HPSE2: variants seen among roughly 807,000 people sequenced by gnomAD.
HPSE2 encodes heparanase 2 (inactive), also known as inactive heparanase-2.
A neutral mutation model predicts 60.5 loss-of-function variants in HPSE2; 38 were observed. That is an observed-to-expected ratio of 0.63 (90% CI 0.48 to 0.82). The LOEUF (loss-of-function observed/expected upper bound fraction) is 0.82, where lower values mean the gene tolerates loss of function less well. HPSE2 is among the 40% of genes least tolerant of loss of function. HPSE2 has a pLI of 0.00. For missense variants in HPSE2, 713 were observed against 740.4 expected, an observed-to-expected ratio of 0.96 and a Z score of 0.43; for synonymous variants, 295 against 293.2, an observed-to-expected ratio of 1.01 and a Z score of -0.06.
intron 6 of HPSE2, among the ~76,000 whole-genome samples, chr10:98,662,943 A>G (rs993473618): frequency 6.6e-6 from 1 of 152,218 alleles, no homozygotes. Context: ...GATTTAAAAA[A>G]CAATAAAGAA....
chr10:98,626,564 C>T (rs986511583), intron 7 of HPSE2, among the ~76,000 whole-genome samples: 1 of 152,046 alleles, frequency 6.6e-6, no homozygotes, highest in African/African-American at 2.4e-5. Flanking sequence ...ACCATTTAGA[C>T]ACCCAAGAAA....
chr10:99,181,672 T>C (rs1250759525), intron 2 of HPSE2, among the ~76,000 whole-genome samples: 1 of 150,724 alleles, frequency 6.6e-6, no homozygotes, highest in East Asian at 1.9e-4. Context: ...TAAGTGGGAG[T>C]TGAACAATGA....
At chr10:98,774,206 G>C (rs1265297058) in intron 3 of HPSE2, among the ~76,000 whole-genome samples, 12 of 152,052 alleles carry the variant, frequency 7.9e-5, no homozygotes, top group Admixed American at 2.0e-4. Context: ...CAGAGAGACA[G>C]TAAGGACTAG....
chr10:99,185,699 G>T (rs574577772), intron 2 of HPSE2, among the ~76,000 whole-genome samples: 2 of 151,672 alleles, frequency 1.3e-5, no homozygotes, highest in Admixed American at 6.6e-5. Context: ...GCGTGAACCC[G>T]GGAGGCGGAG....
intron 3 of HPSE2, among the ~76,000 whole-genome samples, chr10:98,836,435 C>A (rs1355019940): frequency 6.6e-6 from 1 of 152,214 alleles, no homozygotes; most frequent in East Asian, 1.9e-4. Flanking sequence ...TATCCATTTA[C>A]ATATCTGCCT....
At chr10:98,616,064 C>T (rs1945899332) in intron 8 of HPSE2, among the ~76,000 whole-genome samples, 1 of 151,964 alleles carries the variant, frequency 6.6e-6, no homozygotes, top group South Asian at 2.1e-4. Context: ...TTAACTTCTG[C>T]TTAGAATTCC....
intron 11 of HPSE2, 89 bp from the exon 12 acceptor site, chr10:98,459,828 T>G: frequency 8.3e-7 from 1 of 1,203,378 alleles, no homozygotes; most frequent in Non-Finnish European, 1.2e-6. Context: ...CCTGGCAGTG[T>G]CTGATACACA....
chr10:98,727,679 CA>C lies in HPSE2; in HGVS notation c.785-5852del, dbSNP rs138235341. 8.9e-5 allele frequency among the ~76,000 whole-genome samples: 13 copies of C among 145,564 alleles called. No individual in the cohort carries two copies. The East Asian group carries it at 1.8e-3, about 20-fold the overall frequency. On this transcript the variant is annotated intron_variant, in intron 4 of 11. Coordinates refer to ENST00000370552, the MANE Select transcript of HPSE2 (RefSeq NM_021828.5). ...TCAAAAAAACAAAAAACAACAACAA[CA>C]AAAAAAAACAAACTAAAAATAATAA... is the stretch of plus-strand genomic sequence containing the variant.
rs565047339 is a variant in HPSE2, at chr10:98,921,510, G to A, written c.611-177454C>T. Among the ~76,000 whole-genome samples, 14 of 152,308 alleles carry A rather than the reference G, an allele frequency of 9.2e-5. No individual in the cohort carries two copies. The South Asian group carries it at 1.9e-3, about 20-fold the overall frequency. Reference sequence around the variant, plus strand: ...AAAAGAGGGATTACCAGAAGATTACGATGGTCAGGGGAAAGCTGAAATAAC... The same window carrying A: ...AAAAGAGGGATTACCAGAAGATTACAATGGTCAGGGGAAAGCTGAAATAAC... On this transcript the variant is annotated intron_variant, in intron 3 of 11. Transcript: ENST00000370552.
the HPSE2 span, among the ~76,000 whole-genome samples, chr10:99,263,797 T>C: frequency 1.3e-5 from 2 of 152,122 alleles, no homozygotes; most frequent in African/African-American, 2.4e-5. Context: ...CATAACCTCT[T>C]GCATGTAGGT....
At chr10:98,976,765 C>A (rs1956095849) in intron 3 of HPSE2, among the ~76,000 whole-genome samples, 1 of 151,564 alleles carries the variant, frequency 6.6e-6, no homozygotes. Context: ...TCAAAATATC[C>A]ATATCAAATC....
the HPSE2 span, among the ~76,000 whole-genome samples, chr10:99,283,602 T>C: frequency 6.6e-6 from 1 of 151,980 alleles, no homozygotes; most frequent in Admixed American, 6.6e-5. Flanking sequence ...AACAAACCTT[T>C]AGGCAAATTA....
chr10:99,107,535 T>C (rs1844296422), intron 3 of HPSE2, among the ~76,000 whole-genome samples: 1 of 152,218 alleles, frequency 6.6e-6, no homozygotes. Context: ...CATGTGCCTA[T>C]TAAGATTGTA....
chr10:99,050,677 C>G (rs372780629), intron 3 of HPSE2, among the ~76,000 whole-genome samples: 1 of 151,924 alleles, frequency 6.6e-6, no homozygotes, highest in South Asian at 2.1e-4. Context: ...AAAAAATTAG[C>G]CATTTAAAAG....
chr10:98,760,843 T>G (rs1949988671), intron 3 of HPSE2, among the ~76,000 whole-genome samples: 1 of 152,144 alleles, frequency 6.6e-6, no homozygotes, highest in Non-Finnish European at 1.5e-5. Context: ...ATAAAATGGC[T>G]TTGAAAGTGT....
At chr10:98,695,470 A>C (rs1948187680) in intron 5 of HPSE2, among the ~76,000 whole-genome samples, 1 of 152,204 alleles carries the variant, frequency 6.6e-6, no homozygotes, top group Non-Finnish European at 1.5e-5. Flanking sequence ...GCTGGAGGGA[A>C]TGTAACATTT....
chr10:98,762,321 G>A (rs1393254860), intron 3 of HPSE2, among the ~76,000 whole-genome samples: 1 of 151,108 alleles, frequency 6.6e-6, no homozygotes, highest in Non-Finnish European at 1.5e-5. Context: ...AAAACCTTGA[G>A]AAAAAAGATA....
intron 3 of HPSE2, among the ~76,000 whole-genome samples, chr10:99,012,432 T>A (rs11189932): frequency 1.3e-5 from 2 of 148,156 alleles, no homozygotes; most frequent in Non-Finnish European, 3.0e-5. Context: ...TTCCTTTTCC[T>A]TTTTTTTTTT....
Position 98,931,483 on chromosome 10 carries a change from G to GT in HPSE2, c.611-187428dup, listed in dbSNP as rs1476182171. ...TTTTGGTTCCATATAAATTTTAAAA[G>GT]TTTTTTCTAATTCTGTGAAGAATGT... On this transcript the variant is annotated intron_variant, in intron 3 of 11. Coordinates refer to ENST00000370552, the MANE Select transcript of HPSE2 (RefSeq NM_021828.5). Among the ~76,000 whole-genome samples the GT allele has an allele frequency of 5.6e-5, 8 of 143,814 alleles. 1 individual carries two copies. The highest frequency in any genetic ancestry group is 5.5e-4 in the Admixed American group (8 of 14,426). The allele number at this position is 143,814 out of a possible 152,430, so 94.3% of individuals were successfully genotyped here.
Sources: allele counts gnomAD v4.1 joint callset (sites outside exome capture counted in the v4.1 genomes callset), GRCh38; gene constraint gnomAD v4.1.1; transcripts MANE v1.5; gene names NCBI Gene and HGNC (gene_info 2026-07-23, HGNC 2026-07-21).